Variants in RPTOR observed in about 807,000 individuals in gnomAD.
RPTOR encodes regulatory-associated protein of mTOR.
In RPTOR, 21 loss-of-function variants were observed where a neutral mutation model predicts 169.9. The observed-to-expected ratio is 0.12, with a 90% CI of 0.09 to 0.18. RPTOR has a LOEUF of 0.18. Among genes scored for constraint, RPTOR ranks in the 10% least tolerant of loss-of-function variants. The pLI is 1.00. For synonymous variants in RPTOR, 732 were observed against 753.2 expected (o/e 0.97, Z 0.46); for missense variants, 1,133 against 1,855.9 (o/e 0.61, Z 7.16).
At chr17:80,640,178 C>T (rs2065542177) in intron 2 of RPTOR, among the ~76,000 whole-genome samples, 1 of 152,156 alleles carries the variant, frequency 6.6e-6, no homozygotes, top group Admixed American at 6.5e-5. Context: ...ACTCACTCGC[C>T]GCTGAAGTTT....
chr17:80,817,702 T>G (rs9912928), intron 7 of RPTOR, among the ~76,000 whole-genome samples: 24,222 of 152,022 alleles, frequency 0.16, 2,011 homozygotes, highest in Middle Eastern at 0.22. Flanking sequence ...CCCTCAGGCA[T>G]CTGGTGGAGA....
At chr17:80,737,809 G>GCCCCCCC (rs71163994) in intron 5 of RPTOR, among the ~76,000 whole-genome samples, 35 of 133,102 alleles carry the variant, frequency 2.6e-4, no homozygotes, top group African/African-American at 1.1e-3. Context: ...TTTCTCCCCC[G>GCCCCCCC]CCCCCCCGCC....
intron 3 of RPTOR, among the ~76,000 whole-genome samples, chr17:80,657,543 CCA>C (rs1440440506): frequency 1.3e-5 from 2 of 152,052 alleles, no homozygotes; most frequent in African/African-American, 4.8e-5. Flanking sequence ...TTTCATATTC[CCA>C]GAGCACTCAC....
intron 3 of RPTOR, among the ~76,000 whole-genome samples, chr17:80,652,048 T>A (rs1427774067): frequency 1.3e-5 from 2 of 150,924 alleles, no homozygotes; most frequent in Non-Finnish European, 2.9e-5. Flanking sequence ...CGGGTGCCTG[T>A]AGTCCCAGCT....
rs55752459 is a variant in RPTOR, at chr17:80,966,117, A to ACCCCCCCCCCCC, written c.*1796_*1797insCCCCCCCCCCCC. 5.7e-6 allele frequency: 1 copy of ACCCCCCCCCCCC among 175,608 alleles called. No individual in the cohort carries two copies. Among genetic ancestry groups the ACCCCCCCCCCCC allele is most frequent in the Non-Finnish European group, 1.1e-5 (1 of 93,008 alleles). 10.9% of individuals were successfully genotyped at this position (175,608 alleles called of 1,614,324 possible). The stretch of plus-strand genomic sequence containing the variant: ...GGCAGGTGGCTCCAGAGGGGTCAAG[A>ACCCCCCCCCCCC]CCCCCCCCCGCCCCCGCTCCACCCT... On this transcript the variant is annotated 3_prime_UTR_variant, in exon 34 of 34. Coordinates refer to ENST00000306801, the MANE Select transcript of RPTOR (RefSeq NM_020761.3).
chr17:80,934,490 C>A (rs1181266329), intron 24 of RPTOR, among the ~76,000 whole-genome samples: 1 of 152,140 alleles, frequency 6.6e-6, no homozygotes, highest in East Asian at 1.9e-4. Flanking sequence ...TCCCCAGGAG[C>A]TGGGACTACA....
At chr17:80,834,460 C>G (rs996602957) in intron 9 of RPTOR, among the ~76,000 whole-genome samples, 1 of 152,178 alleles carries the variant, frequency 6.6e-6, no homozygotes, top group Non-Finnish European at 1.5e-5. Context: ...GTGTCATCCC[C>G]GCAGCCTCCT....
chr17:80,702,471 C>T (rs1022229996), intron 3 of RPTOR, among the ~76,000 whole-genome samples: 6 of 152,184 alleles, frequency 3.9e-5, no homozygotes, highest in African/African-American at 1.4e-4. Context: ...TCTCCTGTCT[C>T]TCAGACCACA....
intron 14 of RPTOR, among the ~76,000 whole-genome samples, chr17:80,882,230 T>C (rs2068193653): frequency 6.6e-6 from 1 of 152,020 alleles, no homozygotes; most frequent in South Asian, 2.1e-4. Flanking sequence ...GGAGAATAAG[T>C]AGAGAAGCAG....
At chr17:80,895,216 C>G (rs2068383438) in intron 20 of RPTOR, among the ~76,000 whole-genome samples, 1 of 152,222 alleles carries the variant, frequency 6.6e-6, no homozygotes. Flanking sequence ...CTACCCGGCC[C>G]CCAGCCTGGG....
intron 4 of RPTOR, among the ~76,000 whole-genome samples, chr17:80,711,148 A>ACC (rs750827999): frequency 2.0e-5 from 3 of 152,172 alleles, no homozygotes; most frequent in East Asian, 1.9e-4. Context: ...TTAGAAACTC[A>ACC]CCAGTATCGG....
intron 25 of RPTOR, 113 bp downstream of exon 25, chr17:80,940,714 A>G (rs1293755713): frequency 1.2e-6 from 1 of 836,010 alleles, no homozygotes; most frequent in Non-Finnish European, 1.9e-6. Context: ...CCAGCCATCC[A>G]CTGTCCCACG....
chr17:80,814,638 T>C (rs1474945501), intron 7 of RPTOR, among the ~76,000 whole-genome samples: 1 of 152,262 alleles, frequency 6.6e-6, no homozygotes, highest in African/African-American at 2.4e-5. Flanking sequence ...GCTCATCGTA[T>C]GTATGCGGCA....
chr17:80,956,139 G>A (rs998590316), intron 28 of RPTOR, among the ~76,000 whole-genome samples: 9 of 152,016 alleles, frequency 5.9e-5, no homozygotes, highest in African/African-American at 1.4e-4. Flanking sequence ...CCTGGGAGGC[G>A]CCCTCAGCCC....
Position 80,764,103 on chromosome 17 carries a change from G to T in RPTOR, c.830+9918G>T, listed in dbSNP as rs560137560. Among the ~76,000 whole-genome samples the T allele has an allele frequency of 8.6e-5, 13 of 150,732 alleles. No homozygotes were observed. The East Asian group carries it at 2.3e-3, about 27-fold the overall frequency. ...CTTTAACTAACTTGAAGTCCTGACC[G>T]TATGACTTCTTTTGTTATTTTATTT... On this transcript the variant is annotated intron_variant, in intron 6 of 33. Coordinates refer to ENST00000306801, the MANE Select transcript of RPTOR (RefSeq NM_020761.3).
intron 24 of RPTOR, among the ~76,000 whole-genome samples, chr17:80,934,514 A>G (rs1490421519): frequency 1.3e-5 from 2 of 152,142 alleles, no homozygotes; most frequent in South Asian, 2.1e-4. Flanking sequence ...ATGCACCACC[A>G]GACACAGCGA....
chr17:80,904,275 G>C (rs1197848591), intron 20 of RPTOR, among the ~76,000 whole-genome samples: 1 of 152,200 alleles, frequency 6.6e-6, no homozygotes, highest in East Asian at 1.9e-4. Context: ...CTGGGGCACT[G>C]GTTCCCCAGG....
intron 15 of RPTOR, 77 bp from the exon 16 acceptor site, chr17:80,883,704 T>G: frequency 6.7e-7 from 1 of 1,496,702 alleles, no homozygotes; most frequent in Non-Finnish European, 9.3e-7. Context: ...GTGGCCACCG[T>G]TGTCCCGTGC....
intron 24 of RPTOR, among the ~76,000 whole-genome samples, chr17:80,927,359 A>G (rs1015820664): frequency 3.2e-4 from 48 of 152,286 alleles, no homozygotes; most frequent in African/African-American, 5.3e-4. Context: ...GTGGCTGTAC[A>G]TGTTGGTAAT....
Sources: gnomAD v4.1 joint callset for allele counts (sites outside exome capture counted in the v4.1 genomes callset) on GRCh38, gnomAD v4.1.1 for gene constraint, MANE v1.5 for transcripts, NCBI Gene and HGNC (gene_info 2026-07-23, HGNC 2026-07-21) for gene names.